The following ADGRF5 variants were observed in gnomAD, a reference collection of about 807,000 sequenced individuals.
ADGRF5 encodes the protein adhesion G protein-coupled receptor F5.
In ADGRF5, 75 loss-of-function variants were observed where a neutral mutation model predicts 132.3. The ratio of observed to expected loss-of-function variants is 0.57; its 90% CI spans 0.47 to 0.69. The LOEUF is 0.69. ADGRF5 is among the 30% of genes least tolerant of loss of function. ADGRF5 has a pLI of 0.00. For missense variants in ADGRF5, 1,516 were observed against 1,630.6 expected (o/e 0.93, Z 1.21); for synonymous variants, 629 against 597.6 (o/e 1.05, Z -0.77).
Position 46,921,772 on chromosome 6 carries a change from CCA to C in ADGRF5, c.-86_-85del, listed in dbSNP as rs997094035. The C allele has an allele frequency of 5.2e-5, 8 of 152,452 alleles. No individual in the cohort carries two copies. Among genetic ancestry groups the C allele is most frequent in the African/African-American group, 1.9e-4 (8 of 41,564 alleles). 9.4% of individuals were successfully genotyped at this position (152,452 alleles called of 1,614,324 possible). The stretch of plus-strand genomic sequence containing the variant: ...CTCTGATCAGATGCCTAAAAGCTTC[CCA>C]GTTTCCACTATGGGGCCATTTGTCC... On this transcript the variant is annotated 5_prime_UTR_variant, in exon 1 of 21. Coordinates refer to ENST00000283296, the MANE Select transcript of ADGRF5 (RefSeq NM_001098518.2).
At chr6:46,903,112 C>A (rs1181398189) in intron 2 of ADGRF5, among the ~76,000 whole-genome samples, 1 of 152,130 alleles carries the variant, frequency 6.6e-6, no homozygotes, top group Non-Finnish European at 1.5e-5. Context: ...TGGGGACCAG[C>A]CTTACCATCC....
intron 11 of ADGRF5, among the ~76,000 whole-genome samples, chr6:46,871,221 C>A (rs994410276): frequency 6.6e-6 from 1 of 152,034 alleles, no homozygotes; most frequent in Non-Finnish European, 1.5e-5. Flanking sequence ...TCTTTTTACA[C>A]GTGGGGTGAA....
At chr6:46,906,103 A>G (rs1009026689) in intron 2 of ADGRF5, among the ~76,000 whole-genome samples, 4 of 152,172 alleles carry the variant, frequency 2.6e-5, no homozygotes, top group Non-Finnish European at 5.9e-5. Context: ...TACTTAAGCT[A>G]AACTCTCATT....
chr6:46,863,595 G>T (rs1313033463), intron 14 of ADGRF5, among the ~76,000 whole-genome samples: 1 of 152,102 alleles, frequency 6.6e-6, no homozygotes, highest in Non-Finnish European at 1.5e-5. Flanking sequence ...TGTTCCTTCT[G>T]GTTTCCCTTA....
chr6:46,884,826 C>T (rs1284251623), intron 4 of ADGRF5, among the ~76,000 whole-genome samples: 1 of 152,180 alleles, frequency 6.6e-6, no homozygotes, highest in Admixed American at 6.5e-5. Flanking sequence ...ATGGAGAGGT[C>T]CACATGGCAA....
intron 3 of ADGRF5, among the ~76,000 whole-genome samples, chr6:46,895,996 C>G (rs766665897): frequency 2.6e-5 from 4 of 152,152 alleles, no homozygotes; most frequent in Non-Finnish European, 5.9e-5. Context: ...CAAGTCACAT[C>G]TGTCCAAGAC....
intron 1 of ADGRF5, among the ~76,000 whole-genome samples, chr6:46,954,230 C>A (rs927506900): frequency 6.7e-6 from 1 of 149,706 alleles, no homozygotes; most frequent in Non-Finnish European, 1.5e-5. Flanking sequence ...CCACCAGATC[C>A]CTGAACAAAG....
chr6:46,887,571 T>C (rs538278949), intron 4 of ADGRF5, among the ~76,000 whole-genome samples: 2 of 152,338 alleles, frequency 1.3e-5, no homozygotes, highest in Admixed American at 1.3e-4. Flanking sequence ...TTAAAATGCA[T>C]GTACCGACAT....
upstream of ADGRF5, among the ~76,000 whole-genome samples, chr6:46,925,109 C>A (rs1264976906): frequency 6.6e-6 from 1 of 152,222 alleles, no homozygotes; most frequent in Non-Finnish European, 1.5e-5. Context: ...TTTCAACAGC[C>A]AGTGAGACCT....
intron 20 of ADGRF5, 39 bp downstream of exon 20, chr6:46,855,935 T>C (rs747989528): frequency 1.7e-5 from 21 of 1,201,432 alleles, no homozygotes; most frequent in Non-Finnish European, 2.5e-5. Flanking sequence ...AGCAAATGTG[T>C]TCTGGACAAG....
At position 46,868,949 on chromosome 6, in the gene ADGRF5, T is replaced by C; in HGVS notation, c.1555A>G (p.Thr519Ala). 6.2e-7 allele frequency: 1 copy of C among 1,613,098 alleles called. No individual in the cohort carries two copies. The highest frequency in any genetic ancestry group is 8.5e-7 in the Non-Finnish European group (1 of 1,179,036). Residue 519 changes from threonine (T) to alanine (A), a missense_variant, in exon 12 of 21, where the codon ACG (threonine) becomes GCG (alanine). Thr to Ala is a moderately conservative substitution (Grantham distance 58). Transcript: ENST00000283296. ...TCTGCTCCATCAAGATACCTCCTCG[T>C]GGTATAAAATCTTTGGTATATTTTA... ...GIKIYQRFYT[T>A]RRYLDGAESV...
At chr6:46,901,458 G>A (rs1481413172) in intron 2 of ADGRF5, among the ~76,000 whole-genome samples, 2 of 152,140 alleles carry the variant, frequency 1.3e-5, no homozygotes, top group Non-Finnish European at 2.9e-5. Flanking sequence ...TGCCGTCAGG[G>A]TTGTCTACCA....
At chr6:46,944,019 G>A (rs747630223) in intron 1 of ADGRF5, among the ~76,000 whole-genome samples, 5 of 152,158 alleles carry the variant, frequency 3.3e-5, no homozygotes, top group Non-Finnish European at 5.9e-5. Context: ...AACAAAGCTG[G>A]TAGATATTTT....
chr6:46,896,819 G>A (rs1183111388), intron 3 of ADGRF5, among the ~76,000 whole-genome samples: 1 of 151,838 alleles, frequency 6.6e-6, no homozygotes, highest in Non-Finnish European at 1.5e-5. Flanking sequence ...TAAAAATTTT[G>A]TCTATACCGA....
At chr6:46,854,597 A>G (rs1768822175) in intron 20 of ADGRF5, 7 of 509,930 alleles carry the variant, frequency 1.4e-5, no homozygotes, top group South Asian at 9.2e-5. Flanking sequence ...TCAGCGCAGC[A>G]AGGAAGGCAG....
chr6:46,884,060 G>A, intron 5 of ADGRF5, 35 bp downstream of exon 5: 5 of 1,555,146 alleles, frequency 3.2e-6, no homozygotes, highest in Admixed American at 1.7e-5. Flanking sequence ...ATGTTGAATA[G>A]CCACTCAACG....
chr6:46,950,552 G>A (rs1401277822), intron 1 of ADGRF5, among the ~76,000 whole-genome samples: 1 of 152,072 alleles, frequency 6.6e-6, no homozygotes, highest in Non-Finnish European at 1.5e-5. Flanking sequence ...GTCTTGCCCT[G>A]TCGCCAGGCT....
intron 1 of ADGRF5, among the ~76,000 whole-genome samples, chr6:46,940,543 A>T (rs190729780): frequency 6.6e-6 from 1 of 152,242 alleles, no homozygotes; most frequent in Admixed American, 6.5e-5. Flanking sequence ...AGAGACACAG[A>T]TCTCATATTT....
At chr6:46,941,456 G>GAAAAGAAAAGAAAAGAA (rs1561838978) in intron 1 of ADGRF5, among the ~76,000 whole-genome samples, 3 of 42,056 alleles carry the variant, frequency 7.1e-5, no homozygotes, top group African/African-American at 2.1e-4. Context: ...GAAAAGAAAA[G>GAAAAGAAAAGAAAAGAA]AAAAGAAAAG....
Sources: gnomAD v4.1 joint callset for allele counts (sites outside exome capture counted in the v4.1 genomes callset) on GRCh38, gnomAD v4.1.1 for gene constraint, MANE v1.5 for transcripts, NCBI Gene and HGNC (gene_info 2026-07-23, HGNC 2026-07-21) for gene names.